Variants in FAF1 observed in about 807,000 individuals in gnomAD.
FAF1 encodes the protein FAS-associated factor 1.
Under a neutral mutation model 92.5 loss-of-function variants are expected in FAF1, and 25 were observed. That is an observed-to-expected ratio of 0.27 (90% CI 0.20 to 0.38). The LOEUF (loss-of-function observed/expected upper bound fraction) is 0.38, where lower values mean the gene tolerates loss of function less well. FAF1 is among the 10% of genes least tolerant of loss of function. The probability of loss-of-function intolerance (pLI) is 1.00; values close to 1 mark genes in which losing one functional copy is unlikely to be tolerated. For missense variants in FAF1, 636 were observed against 793.3 expected (o/e 0.80, Z 2.38); for synonymous variants, 234 against 273.2 (o/e 0.86, Z 1.42).
At chr1:50,611,377 G>T (rs1652676550) in intron 8 of FAF1, among the ~76,000 whole-genome samples, 2 of 152,082 alleles carry the variant, frequency 1.3e-5, no homozygotes, top group South Asian at 4.1e-4. Context: ...CCTTAAATGT[G>T]CTTCAAGCTA....
At chr1:50,489,737 T>G (rs1572779434) in intron 17 of FAF1, among the ~76,000 whole-genome samples, 1 of 152,292 alleles carries the variant, frequency 6.6e-6, no homozygotes, top group East Asian at 1.9e-4. Flanking sequence ...TGAAGCTAAA[T>G]GAATTTCCCA....
intron 1 of FAF1, among the ~76,000 whole-genome samples, chr1:50,909,023 T>C (rs1644862417): frequency 6.6e-6 from 1 of 152,254 alleles, no homozygotes; most frequent in Non-Finnish European, 1.5e-5. Context: ...TGGTTGTTCC[T>C]TTCCACGTTT....
chr1:50,798,801 T>TA (rs747581685), intron 3 of FAF1, among the ~76,000 whole-genome samples: 34 of 152,186 alleles, frequency 2.2e-4, no homozygotes, highest in African/African-American at 6.8e-4. Flanking sequence ...ATAATAACTA[T>TA]AAAAAACCAA....
chr1:50,794,266 G>A (rs2124582297), intron 3 of FAF1, among the ~76,000 whole-genome samples: 1 of 151,922 alleles, frequency 6.6e-6, no homozygotes, highest in Admixed American at 6.5e-5. Flanking sequence ...AGTTAACTGA[G>A]GAAAAAAAAA....
rs370488234 is a variant in FAF1, at chr1:50,437,475, C to G, written c.*3965G>C. ...TCATGGCTCACTGTAGCCTTGAACT[C>G]CTGGGCTCAAGTGATCACTTTGCCT... On this transcript the variant is annotated 3_prime_UTR_variant, in exon 19 of 19. Transcript: ENST00000396153. The G allele has an allele frequency of 1.3e-5, 2 of 151,902 alleles. No homozygotes were observed. Among genetic ancestry groups the G allele is most frequent in the South Asian group, 2.1e-4 (1 of 4,810 alleles). 9.4% of individuals were successfully genotyped at this position (151,902 alleles called of 1,614,324 possible). A position where few individuals can be genotyped will look rare whatever the true frequency, so the allele number is the denominator to read the frequency against.
intron 1 of FAF1, among the ~76,000 whole-genome samples, chr1:50,952,747 C>T (rs1645228266): frequency 6.6e-6 from 1 of 151,842 alleles, no homozygotes; most frequent in Non-Finnish European, 1.5e-5. Flanking sequence ...AGGAGCGTCT[C>T]TGCCCGACCG....
rs1214695132 is a variant in FAF1 at position 50,437,656 on chromosome 1, G to C, written c.*3784C>G. ...GGCCTCAAGCAATCCTCCTGCCTTT[G>C]CCTCCCAAAGTGATGTTTAACTTTT... On this transcript the variant is annotated 3_prime_UTR_variant, in exon 19 of 19. Transcript: ENST00000396153. 2 of 152,200 alleles carry C rather than the reference G, an allele frequency of 1.3e-5. No individual in the cohort carries two copies. Among genetic ancestry groups the C allele is most frequent in the Admixed American group, 1.3e-4 (2 of 15,294 alleles). 9.4% of individuals were successfully genotyped at this position (152,200 alleles called of 1,614,324 possible).
At chr1:50,740,521 G>A (rs975252794) in intron 5 of FAF1, among the ~76,000 whole-genome samples, 6 of 152,082 alleles carry the variant, frequency 3.9e-5, no homozygotes. Flanking sequence ...TAAATGAAAA[G>A]AAATACATAA....
At chr1:50,541,105 G>A (rs908636879) in intron 13 of FAF1, among the ~76,000 whole-genome samples, 2 of 152,084 alleles carry the variant, frequency 1.3e-5, no homozygotes, top group African/African-American at 4.8e-5. Flanking sequence ...ATTCAAAACA[G>A]AATCAAACCT....
At chr1:50,932,125 G>T (rs1414802299) in intron 1 of FAF1, among the ~76,000 whole-genome samples, 15 of 151,940 alleles carry the variant, frequency 9.9e-5, no homozygotes, top group Admixed American at 9.8e-4. Context: ...GATTTGGATG[G>T]GGACACAGCC....
At chr1:50,578,476 T>C (rs1264820675) in intron 12 of FAF1, among the ~76,000 whole-genome samples, 1 of 152,192 alleles carries the variant, frequency 6.6e-6, no homozygotes, top group Non-Finnish European at 1.5e-5. Flanking sequence ...GAAGTTTGAT[T>C]ATTAAATCCT....
chr1:50,612,273 A>C (rs1652717769), intron 8 of FAF1: 1 of 846,770 alleles, frequency 1.2e-6, no homozygotes, highest in South Asian at 1.7e-5. Flanking sequence ...TTCTACAATC[A>C]CAACAAATTC....
intron 1 of FAF1, among the ~76,000 whole-genome samples, chr1:50,911,980 T>A (rs1644889318): frequency 6.7e-6 from 1 of 148,414 alleles, no homozygotes; most frequent in South Asian, 2.2e-4. Context: ...AAGGTTACAG[T>A]GAGCCGAGAT....
At chr1:50,548,327 C>T (rs1649133090) in intron 13 of FAF1, among the ~76,000 whole-genome samples, 1 of 152,056 alleles carries the variant, frequency 6.6e-6, no homozygotes, top group African/African-American at 2.4e-5. Context: ...GAGAAAGGAA[C>T]GGGTGCTTAG....
At chr1:50,938,811 A>AGTTAT (rs1645107551) in intron 1 of FAF1, among the ~76,000 whole-genome samples, 1 of 152,218 alleles carries the variant, frequency 6.6e-6, no homozygotes, top group Non-Finnish European at 1.5e-5. Flanking sequence ...TTATCCTAGC[A>AGTTAT]CCATTTATTG....
intron 1 of FAF1, among the ~76,000 whole-genome samples, chr1:50,866,566 A>C (rs1644483279): frequency 1.3e-5 from 2 of 152,142 alleles, no homozygotes; most frequent in Admixed American, 6.6e-5. Context: ...TGAGAATCAA[A>C]CCGAGAACTC....
At chr1:50,595,182 G>A (rs1286036962) in intron 9 of FAF1, among the ~76,000 whole-genome samples, 4 of 151,828 alleles carry the variant, frequency 2.6e-5, no homozygotes, top group Admixed American at 6.6e-5. Flanking sequence ...AGCCTCCTGC[G>A]TAGCTGGGAT....
intron 8 of FAF1, among the ~76,000 whole-genome samples, chr1:50,624,824 A>C (rs1201215697): frequency 6.6e-6 from 1 of 151,088 alleles, no homozygotes; most frequent in East Asian, 1.9e-4. Context: ...AAAACATGTG[A>C]TTGTTAACCT....
intron 6 of FAF1, among the ~76,000 whole-genome samples, chr1:50,730,850 A>ACT (rs1210257107): frequency 6.6e-6 from 1 of 151,816 alleles, no homozygotes; most frequent in African/African-American, 2.4e-5. Context: ...CACGCTTTTC[A>ACT]CTCTCTCTCT....
Sources: allele counts gnomAD v4.1 joint callset (sites outside exome capture counted in the v4.1 genomes callset), GRCh38; gene constraint gnomAD v4.1.1; transcripts MANE v1.5; gene names NCBI Gene and HGNC (gene_info 2026-07-23, HGNC 2026-07-21).